LRRIQ1: variants seen among roughly 807,000 people sequenced by gnomAD.
The protein encoded by LRRIQ1 is leucine rich repeats and IQ motif containing 1.
LRRIQ1 carries 210 observed loss-of-function variants against 211.9 expected under a neutral mutation model. The observed-to-expected ratio is 0.99, with a 90% confidence interval of 0.89 to 1.11. LRRIQ1 has a LOEUF of 1.11. LRRIQ1 is among the 50% of genes most tolerant of loss of function. The pLI is 0.00. For synonymous variants in LRRIQ1, 699 were observed against 650.1 expected, an observed-to-expected ratio of 1.08 and a Z score of -1.14; for missense variants, 2,136 against 1,939.5, an observed-to-expected ratio of 1.10 and a Z score of -1.90.
chr12:85,101,571 C>A (rs1886347790), intron 13 of LRRIQ1, among the ~76,000 whole-genome samples: 1 of 151,680 alleles, frequency 6.6e-6, no homozygotes, highest in Non-Finnish European at 1.5e-5. Flanking sequence ...CTTTGTCTTT[C>A]TGGTTTGAAT....
At position 85,055,709 on chromosome 12, in the gene LRRIQ1, A is replaced by G; in HGVS notation, c.916A>G (p.Ile306Val). The G allele has an allele frequency of 1.2e-6, 2 of 1,607,880 alleles. No individual in the cohort carries two copies. Among genetic ancestry groups the G allele is most frequent in the Non-Finnish European group, 1.7e-6 (2 of 1,178,118 alleles). Residue 306 changes from isoleucine to valine, a missense_variant, in exon 8 of 27, where the codon ATT becomes GTT. Transcript: ENST00000393217. ...AFVAYQKYGPIIKEQIESKKR... is the reference protein window; with the variant it reads ...AFVAYQKYGPVIKEQIESKKR... ...TGTTGCCTATCAAAAATATGGCCCA[A>G]TTATTAAAGAGCAAATTGAAAGTAA...
At chr12:85,114,245 G>A (rs564048578) in intron 15 of LRRIQ1, among the ~76,000 whole-genome samples, 76 of 152,006 alleles carry the variant, frequency 5.0e-4, no homozygotes, top group African/African-American at 1.8e-3. Flanking sequence ...GTTTTTAGGT[G>A]GATTTTTTTT....
chr12:85,202,192 AT>A (rs1023112103), intron 24 of LRRIQ1, among the ~76,000 whole-genome samples: 8 of 151,750 alleles, frequency 5.3e-5, no homozygotes, highest in Non-Finnish European at 1.0e-4. Context: ...TTTGCTGAGG[AT>A]TTTTTTTACA....
intron 1 of LRRIQ1, among the ~76,000 whole-genome samples, chr12:85,256,808 G>A (rs564796345): frequency 1.1e-4 from 16 of 150,552 alleles, no homozygotes; most frequent in Non-Finnish European, 2.2e-4. Flanking sequence ...TATGTAAATA[G>A]AAGAAAGATT....
chr12:85,244,921 T>G lies in LRRIQ1; in HGVS notation c.5149T>G (p.Phe1717Val). ...HSAGSSSKLW[F>V]PSKLI ...AGCAGGATCTTCAAGTAAGTTGTGGTTTCCTTCAAAATTAATTTAGAAATC... is the reference window on the plus strand; with the variant it reads ...AGCAGGATCTTCAAGTAAGTTGTGGGTTCCTTCAAAATTAATTTAGAAATC... The change falls in exon 27 of 27, where the codon TTT becomes GTT. Residue 1717 changes from phenylalanine (F) to valine (V), a missense_variant. Physicochemically the swap from Phe to Val is conservative, Grantham distance 50. Transcript: ENST00000393217. The G allele has an allele frequency of 6.2e-7, 1 of 1,610,290 alleles. No homozygotes were observed. Among genetic ancestry groups the G allele is most frequent in the Non-Finnish European group, 8.5e-7 (1 of 1,177,716 alleles).
rs1375478660 is a variant in LRRIQ1 at position 85,217,506 on chromosome 12, A to ATGTG, written c.4823-12010_4823-12009insGTGT. Among the ~76,000 whole-genome samples, 78 of 69,834 alleles carry ATGTG rather than the reference A, an allele frequency of 1.1e-3. 1 individual carries two copies. Among genetic ancestry groups the ATGTG allele is most frequent in the East Asian group, 4.6e-3 (13 of 2,808 alleles). 45.8% of individuals were successfully genotyped at this position (69,834 alleles called of 152,430 possible). On this transcript the variant is annotated intron_variant, in intron 24 of 26. Coordinates refer to ENST00000393217, the MANE Select transcript of LRRIQ1 (RefSeq NM_001079910.2). ...TATATATATATGTATATATATATAT[A>ATGTG]TATGTGTGTGTGTGTGTGTGTGTGT... is the stretch of plus-strand genomic sequence containing the variant.
At chr12:85,133,413 G>T (rs766524807) in intron 18 of LRRIQ1, among the ~76,000 whole-genome samples, 1 of 152,120 alleles carries the variant, frequency 6.6e-6, no homozygotes, top group African/African-American at 2.4e-5. Context: ...AGAGATCTCA[G>T]TATGTGTAAA....
At position 85,106,423 on chromosome 12, in the gene LRRIQ1, T is replaced by G. The variant is rs1443802411; in HGVS notation, c.3284-99T>G. 11 of 822,736 alleles carry G rather than the reference T, an allele frequency of 1.3e-5. No individual in the cohort carries two copies. The Admixed American group carries it at 2.8e-4, about 21-fold the overall frequency. 51.0% of individuals were successfully genotyped at this position (822,736 alleles called of 1,614,324 possible). A position where few individuals can be genotyped will look rare whatever the true frequency, so the allele number is the denominator to read the frequency against. On this transcript the variant is annotated intron_variant, in intron 14 of 26. Transcript: ENST00000393217. ...CTGCAGAAGAAATAAAAATATTGCT[T>G]TTCTTTAATAGCAAACCAGTAAATA...
Position 85,260,746 on chromosome 12 carries a change from C to G in LRRIQ1, c.122-2169C>G, listed in dbSNP as rs12319215. Among the ~76,000 whole-genome samples the G allele has an allele frequency of 3.2e-3, 485 of 152,142 alleles. 5 individuals are homozygous for G. Among genetic ancestry groups the G allele is most frequent in the African/African-American group, 0.011 (448 of 41,524 alleles). On this transcript the variant is annotated intron_variant, in intron 1 of 1. Coordinates refer to the LRRIQ1 transcript ENST00000602731. ...GAGGCAAGATGAGGGTTTACTATTA[C>G]TTTTATTGTTTTTTAAAATGGACCA...
At chr12:85,242,658 G>A (rs1472266342) in intron 26 of LRRIQ1, among the ~76,000 whole-genome samples, 1 of 151,780 alleles carries the variant, frequency 6.6e-6, no homozygotes, top group Admixed American at 6.6e-5. Flanking sequence ...GTTTAGTTGG[G>A]AAGCCAATGT....
chr12:85,197,073 A>G (rs1892958170), intron 24 of LRRIQ1, among the ~76,000 whole-genome samples: 1 of 152,154 alleles, frequency 6.6e-6, no homozygotes, highest in Non-Finnish European at 1.5e-5. Flanking sequence ...AAACACATGA[A>G]AAAATGCTCA....
At chr12:85,255,672 A>G (rs534471177) in intron 1 of LRRIQ1, among the ~76,000 whole-genome samples, 1 of 151,786 alleles carries the variant, frequency 6.6e-6, no homozygotes, top group Non-Finnish European at 1.5e-5. Flanking sequence ...TTCTCTAGCA[A>G]TGTAAAAATT....
In LRRIQ1 at chr12:85,046,014, T is replaced by C. The variant is rs1034572144; in HGVS notation, c.337-6T>C. On this transcript the variant is annotated splice_region_variant and splice_polypyrimidine_tract_variant and intron_variant, in intron 4 of 26. Transcript: ENST00000393217. ...TTTAATCATTGGTACTCATTTAACC[T>C]CTTAGATATTATCTGAAATAGAAAA... 28 of 1,523,602 alleles carry C rather than the reference T, an allele frequency of 1.8e-5. No individual in the cohort carries two copies. Among genetic ancestry groups the C allele is most frequent in the Non-Finnish European group, 2.5e-5 (27 of 1,100,288 alleles). The allele number at this position is 1,523,602 out of a possible 1,614,324, so 94.4% of individuals were successfully genotyped here. A position where few individuals can be genotyped will look rare whatever the true frequency, so the allele number is the denominator to read the frequency against.
intron 24 of LRRIQ1, among the ~76,000 whole-genome samples, chr12:85,201,317 G>A (rs978002206): frequency 1.3e-5 from 2 of 150,042 alleles, no homozygotes; most frequent in Non-Finnish European, 3.0e-5. Flanking sequence ...GAATGAGTTA[G>A]CAAGGAGTCT....
intron 11 of LRRIQ1, among the ~76,000 whole-genome samples, chr12:85,083,699 A>G (rs1222916809): frequency 6.6e-6 from 1 of 152,096 alleles, no homozygotes; most frequent in African/African-American, 2.4e-5. Context: ...TGGCCTCCCA[A>G]AGTGCTGAGA....
Position 85,046,096 on chromosome 12 carries a change from C to G in LRRIQ1, c.413C>G (p.Pro138Arg), listed in dbSNP as rs200257302. The G allele has an allele frequency of 3.1e-6, 5 of 1,610,406 alleles. No individual in the cohort carries two copies. In the East Asian group the frequency reaches 8.9e-5, roughly 29 times the overall value. Residue 138 changes from proline (P) to arginine (R), a missense_variant, in exon 5 of 27, where the codon CCT becomes CGT. Transcript: ENST00000393217. ...GCCACTCCTGATTTTGTTCCTGAGCCTAGTCCTCATGACTTGCCTATGGAT... is the reference window on the plus strand; with the variant it reads ...GCCACTCCTGATTTTGTTCCTGAGCGTAGTCCTCATGACTTGCCTATGGAT... ...DCATPDFVPE[P>R]SPHDLPMDEH...
At chr12:85,145,189 A>T (rs1041764802) in intron 19 of LRRIQ1, among the ~76,000 whole-genome samples, 16 of 151,682 alleles carry the variant, frequency 1.1e-4, no homozygotes, top group Non-Finnish European at 1.9e-4. Flanking sequence ...ATAGGTAAAT[A>T]GACAGAAAAA....
chr12:85,271,713 A>C, the LRRIQ1 span, among the ~76,000 whole-genome samples: 1 of 152,178 alleles, frequency 6.6e-6, no homozygotes, highest in African/African-American at 2.4e-5. Context: ...AGACTCAAAA[A>C]TATCCTCAGA....
chr12:85,198,303 A>G (rs959428164), intron 24 of LRRIQ1, among the ~76,000 whole-genome samples: 3 of 149,740 alleles, frequency 2.0e-5, no homozygotes, highest in Non-Finnish European at 3.0e-5. Flanking sequence ...GTTCTCATTT[A>G]TATTTCCTTG....
Sources: gnomAD v4.1 joint callset for allele counts (sites outside exome capture counted in the v4.1 genomes callset) on GRCh38, gnomAD v4.1.1 for gene constraint, MANE v1.5 for transcripts, NCBI Gene and HGNC (gene_info 2026-07-23, HGNC 2026-07-21) for gene names.